OTUD7A: variants seen among roughly 807,000 people sequenced by gnomAD.
The protein encoded by OTUD7A is OTU deubiquitinase 7A, also known as OTU domain-containing protein 7A.
In OTUD7A, 12 loss-of-function variants were observed where a neutral mutation model predicts 65.7. That is an observed-to-expected ratio of 0.18 (90% confidence interval 0.12 to 0.30). The LOEUF is 0.30. OTUD7A is among the 10% of genes least tolerant of loss of function. OTUD7A has a pLI of 1.00. For missense variants in OTUD7A, 1,148 were observed against 1,304.8 expected, an observed-to-expected ratio of 0.88 and a Z score of 1.85; for synonymous variants, 641 against 586.3, an observed-to-expected ratio of 1.09 and a Z score of -1.35.
rs151327133 is a variant in OTUD7A at position 31,552,782 on chromosome 15, C to T, written c.550+6187G>A. Among the ~76,000 whole-genome samples, 6 of 152,336 alleles carry T rather than the reference C, an allele frequency of 3.9e-5. 1 individual carries two copies. Among genetic ancestry groups the T allele is most frequent in the Middle Eastern group, 6.8e-3 (2 of 294 alleles). On this transcript the variant is annotated intron_variant, in intron 5 of 12. Coordinates refer to ENST00000307050, the MANE Select transcript of OTUD7A (RefSeq NM_001382637.1). ...TGGTATTTCCAGGCTTGCCCAGAGT[C>T]GCAGCCGCGACTCTGCCTGACTGAT... is the stretch of plus-strand genomic sequence containing the variant.
intron 1 of OTUD7A, among the ~76,000 whole-genome samples, chr15:31,706,776 T>C (rs1484094958): frequency 9.7e-6 from 1 of 102,764 alleles, no homozygotes; most frequent in Non-Finnish European, 1.9e-5. Flanking sequence ...CTGTTGCCTC[T>C]ATCTTCTATT....
At chr15:31,760,583 C>T (rs1244173916) in intron 1 of OTUD7A, among the ~76,000 whole-genome samples, 2 of 152,188 alleles carry the variant, frequency 1.3e-5, no homozygotes, top group African/African-American at 4.8e-5. Flanking sequence ...AAAGATATCC[C>T]ATATTCATGG....
intron 1 of OTUD7A, among the ~76,000 whole-genome samples, chr15:31,842,227 G>A (rs1047095206): frequency 2.8e-4 from 43 of 152,378 alleles, no homozygotes; most frequent in African/African-American, 1.0e-3. Flanking sequence ...TGACCCCAGG[G>A]GGGTATGAGG....
At position 31,511,831 on chromosome 15, in the gene OTUD7A, G is replaced by T. The variant is rs373853163; in HGVS notation, c.894-8013C>A. 2.7e-4 allele frequency among the ~76,000 whole-genome samples: 41 copies of T among 149,200 alleles called. No homozygotes were observed. In the East Asian group the frequency reaches 4.8e-3, roughly 17 times the overall value. On this transcript the variant is annotated intron_variant, in intron 8 of 12. Transcript: ENST00000307050. ...TGAGGTTCAACTCCTCCCCCATGGGGATTTCTCACCTCTTTTTGAGGTTTA... is the reference window on the plus strand; with the variant it reads ...TGAGGTTCAACTCCTCCCCCATGGGTATTTCTCACCTCTTTTTGAGGTTTA...
chr15:31,654,999 T>C, intron 3 of OTUD7A, 97 bp downstream of exon 3: 1 of 1,422,520 alleles, frequency 7.0e-7, no homozygotes, highest in Non-Finnish European at 9.4e-7. Context: ...GCCCACTTAG[T>C]GCTCAAGTAC....
rs373918231 is a variant in OTUD7A, at chr15:31,669,315, G to A, written c.-99-12238C>T. Among the ~76,000 whole-genome samples, 3 of 152,198 alleles carry A rather than the reference G, an allele frequency of 2.0e-5. 1 individual carries two copies. In the East Asian group the frequency reaches 5.8e-4, roughly 29 times the overall value. On this transcript the variant is annotated intron_variant, in intron 1 of 12. Coordinates refer to ENST00000307050, the MANE Select transcript of OTUD7A (RefSeq NM_001382637.1). ...CGTAGTTCAGACTGTCCTTCGGTGC[G>A]TCTTGCTGAGGCTGCTGTGGGGGAT...
In OTUD7A at chr15:31,479,235, T is replaced by C. The variant is rs894469603; in HGVS notation, c.*4059A>G. The C allele has an allele frequency of 6.6e-6, 1 of 152,224 alleles. No homozygotes were observed. Among genetic ancestry groups the C allele is most frequent in the African/African-American group, 2.4e-5 (1 of 41,446 alleles). 9.4% of individuals were successfully genotyped at this position (152,224 alleles called of 1,614,324 possible). Reference sequence around the variant, plus strand: ...GGACTCAACTAGAGCAGGGGCCGCCTCTGCAGCCCAGCGAGGATGAAGCCA... The same window carrying C: ...GGACTCAACTAGAGCAGGGGCCGCCCCTGCAGCCCAGCGAGGATGAAGCCA... On this transcript the variant is annotated 3_prime_UTR_variant, in exon 13 of 13. Transcript: ENST00000307050.
intron 3 of OTUD7A, among the ~76,000 whole-genome samples, chr15:31,608,377 G>A (rs1156655255): frequency 6.6e-6 from 1 of 152,174 alleles, no homozygotes; most frequent in Non-Finnish European, 1.5e-5. Context: ...GGGCAATCAA[G>A]AAAAGAGAAT....
At chr15:31,778,887 G>A (rs934923529) in intron 1 of OTUD7A, among the ~76,000 whole-genome samples, 1 of 152,128 alleles carries the variant, frequency 6.6e-6, no homozygotes, top group Admixed American at 6.6e-5. Context: ...AACATGATTA[G>A]TGGAATGCAG....
At chr15:31,648,001 A>G (rs1439466956) in intron 3 of OTUD7A, among the ~76,000 whole-genome samples, 1 of 152,180 alleles carries the variant, frequency 6.6e-6, no homozygotes, top group Admixed American at 6.5e-5. Flanking sequence ...GAATAGGACT[A>G]GATGCTGAAG....
At chr15:31,697,295 C>T (rs1893104947) in intron 1 of OTUD7A, among the ~76,000 whole-genome samples, 1 of 134,558 alleles carries the variant, frequency 7.4e-6, no homozygotes, top group African/African-American at 2.7e-5. Context: ...TAGAAAGGCC[C>T]TCCTTGGCTG....
At position 31,575,102 on chromosome 15, in the gene OTUD7A, C is replaced by A. The variant is rs150282190; in HGVS notation, c.152-4905G>T. Among the ~76,000 whole-genome samples, 640 of 152,270 alleles carry A rather than the reference C, an allele frequency of 4.2e-3. 6 individuals carry two copies. Among genetic ancestry groups the A allele is most frequent in the African/African-American group, 0.014 (584 of 41,550 alleles). On this transcript the variant is annotated intron_variant, in intron 3 of 12. Transcript: ENST00000307050. ...AACTCAGGGGGGAAAAGGAGTCAAA[C>A]TGTTTTAGAAATGAAGTTAAATTAT...
rs551432185 is a variant in OTUD7A, at chr15:31,860,422, T to C, written c.-100+10085A>G. On this transcript the variant is annotated intron_variant, in intron 1 of 12. Transcript: ENST00000307050. ...ATTAAATTTCTAATTTTAATTCCCATAGAGCTATTAAATGCATTTAACAAA... is the reference window on the plus strand; with the variant it reads ...ATTAAATTTCTAATTTTAATTCCCACAGAGCTATTAAATGCATTTAACAAA... Among the ~76,000 whole-genome samples, 13 of 151,846 alleles carry C rather than the reference T, an allele frequency of 8.6e-5. No homozygotes were observed. In the South Asian group the frequency reaches 2.1e-3, roughly 24 times the overall value.
intron 4 of OTUD7A, among the ~76,000 whole-genome samples, chr15:31,569,342 T>A (rs113751485): frequency 3.3e-5 from 5 of 152,346 alleles, no homozygotes; most frequent in African/African-American, 1.2e-4. Flanking sequence ...GATCTAAAAA[T>A]TAACACATTA....
intron 5 of OTUD7A, among the ~76,000 whole-genome samples, chr15:31,550,577 G>A (rs1176546432): frequency 6.6e-6 from 1 of 152,152 alleles, no homozygotes; most frequent in African/African-American, 2.4e-5. Flanking sequence ...TTATGGATCT[G>A]CCCCTAGATG....
intron 3 of OTUD7A, among the ~76,000 whole-genome samples, chr15:31,610,617 A>ATATATTTTTTTTTTTTTTTT: frequency 3.3e-5 from 1 of 30,562 alleles, no homozygotes; most frequent in African/African-American, 1.7e-4. Flanking sequence ...ATATATATAT[A>ATATATTTTTTTTTTTTTTTT]TTTTTTTTTT....
intron 3 of OTUD7A, among the ~76,000 whole-genome samples, chr15:31,633,272 C>A (rs918744108): frequency 6.6e-6 from 1 of 152,146 alleles, no homozygotes; most frequent in African/African-American, 2.4e-5. Context: ...GCTCCACCCC[C>A]CTGTATTTGT....
intron 1 of OTUD7A, chr15:31,768,144 C>T: frequency 1.3e-6 from 2 of 1,581,478 alleles, no homozygotes; most frequent in Admixed American, 1.7e-5. Flanking sequence ...GATGTGGTAA[C>T]TTCATTCCAC....
chr15:31,748,763 A>C (rs1316121664), intron 1 of OTUD7A, among the ~76,000 whole-genome samples: 1 of 152,192 alleles, frequency 6.6e-6, no homozygotes, highest in Non-Finnish European at 1.5e-5. Flanking sequence ...CATTAAAAAC[A>C]TGCACAAGAA....
Sources: allele counts gnomAD v4.1 joint callset (sites outside exome capture counted in the v4.1 genomes callset), GRCh38; gene constraint gnomAD v4.1.1; transcripts MANE v1.5; gene names NCBI Gene and HGNC (gene_info 2026-07-23, HGNC 2026-07-21).